Variants in HAPLN3 observed in about 807,000 individuals in gnomAD.
HAPLN3 encodes extracellular link domain containing, 1.
A neutral mutation model predicts 28.1 loss-of-function variants in HAPLN3; 28 were observed. That is an observed-to-expected ratio of 1.00 (90% CI 0.74 to 1.37). The LOEUF is 1.37. HAPLN3 is among the 40% of genes most tolerant of loss of function. The pLI, the probability that HAPLN3 is intolerant of heterozygous loss-of-function variation, is 0.00. For synonymous variants in HAPLN3, 211 were observed against 213.1 expected (o/e 0.99, Z 0.09); for missense variants, 513 against 504.6 (o/e 1.02, Z -0.16).
In HAPLN3 at chr15:88,881,732, G is replaced by A. The variant is rs925544333; in HGVS notation, c.125-7C>T. On this transcript the variant is annotated splice_region_variant and splice_polypyrimidine_tract_variant and intron_variant, in intron 2 of 4. Coordinates refer to ENST00000359595, the MANE Select transcript of HAPLN3 (RefSeq NM_178232.4). The surrounding 1 kb of genome is among the most constrained non-coding windows in gnomAD (Gnocchi z 6.0). Reference sequence around the variant, plus strand: ...TTCACTCCATTAAGGAGGTCTTGGGGGAGAGACAGGGTGCAGATGAGACCT... The same window carrying A: ...TTCACTCCATTAAGGAGGTCTTGGGAGAGAGACAGGGTGCAGATGAGACCT... 6.2e-7 allele frequency: 1 copy of A among 1,603,776 alleles called. No homozygotes were observed. Among genetic ancestry groups the A allele is most frequent in the South Asian group, 1.1e-5 (1 of 89,754 alleles).
chr15:88,880,537 G>A lies in HAPLN3; in HGVS notation c.493+820C>T. On this transcript the variant is annotated intron_variant, in intron 3 of 4. Transcript: ENST00000359595. The surrounding 1 kb of genome is among the most constrained non-coding windows in gnomAD (Gnocchi z 6.0). The stretch of plus-strand genomic sequence containing the variant: ...ATAGCTGGGACGGGCTGGGGCTAAA[G>A]TCAGGTCACCTTCCTCTATCCCCGA... 2 of 1,287,166 alleles carry A rather than the reference G, an allele frequency of 1.6e-6. No homozygotes were observed. The highest frequency in any genetic ancestry group is 2.0e-6 in the Non-Finnish European group (2 of 986,980). 79.7% of individuals were successfully genotyped at this position (1,287,166 alleles called of 1,614,324 possible).
rs2141658360 is a variant in HAPLN3 at position 88,881,083 on chromosome 15, G to T, written c.493+274C>A. 2.0e-6 allele frequency: 1 copy of T among 498,386 alleles called. No homozygotes were observed. Among genetic ancestry groups the T allele is most frequent in the South Asian group, 2.7e-5 (1 of 37,692 alleles). The allele number at this position is 498,386 out of a possible 1,614,324, so 30.9% of individuals were successfully genotyped here. ...TCTGAATGAGATGTGAATTACAGCG[G>T]GTAGAGGGGAACAGATTCTAGAGGC... On this transcript the variant is annotated intron_variant, in intron 3 of 4. Coordinates refer to ENST00000359595, the MANE Select transcript of HAPLN3 (RefSeq NM_178232.4). The surrounding 1 kb of genome is among the most constrained non-coding windows in gnomAD (Gnocchi z 6.0).
intron 2 of HAPLN3, among the ~76,000 whole-genome samples, chr15:88,882,411 G>A (rs62023523): frequency 0.042 from 6,464 of 152,258 alleles, 214 homozygotes; most frequent in Middle Eastern, 0.068. Flanking sequence ...GGGATCCGTC[G>A]GAGTTTCCTT....
In HAPLN3 at chr15:88,881,492, G is replaced by T. The variant is rs1161084868; in HGVS notation, c.358C>A (p.His120Asn). The change falls in exon 3 of 5, where the codon CAC becomes AAC. Residue 120 changes from histidine to asparagine, a missense_variant. Transcript: ENST00000359595. The surrounding 1 kb of genome is among the most constrained non-coding windows in gnomAD (Gnocchi z 6.0). The stretch of plus-strand genomic sequence containing the variant: ...TCATGCTCTTTGTCCTGCCGCAGGT[G>T]CACGCGGCCTTGGTAGTCCCCAAAG... ...RSFGDYQGRV[H>N]LRQDKEHDVS... The T allele has an allele frequency of 1.2e-6, 2 of 1,613,940 alleles. No homozygotes were observed. The highest frequency in any genetic ancestry group is 8.5e-7 in the Non-Finnish European group (1 of 1,180,062).
chr15:88,889,791 A>G (rs1479625879), intron 1 of HAPLN3, among the ~76,000 whole-genome samples: 1 of 152,232 alleles, frequency 6.6e-6, no homozygotes, highest in Non-Finnish European at 1.5e-5. Flanking sequence ...TGCAAACATA[A>G]CTATGATTAT....
Position 88,877,646 on chromosome 15 carries a change from G to T in HAPLN3, c.*324C>A. ...GCCCACCATGCCCGGACTCCCGGCG[G>T]CATTCTAGACAGGCCACCGCCCACT... On this transcript the variant is annotated 3_prime_UTR_variant, in exon 5 of 5. Coordinates refer to ENST00000359595, the MANE Select transcript of HAPLN3 (RefSeq NM_178232.4). The surrounding 1 kb of genome is among the most constrained non-coding windows in gnomAD (Gnocchi z 5.1). 1 of 254,024 alleles carries T rather than the reference G, an allele frequency of 3.9e-6. No individual in the cohort carries two copies. 15.7% of individuals were successfully genotyped at this position (254,024 alleles called of 1,614,324 possible).
chr15:88,893,510 A>G (rs1237757097), intron 1 of HAPLN3, among the ~76,000 whole-genome samples: 1 of 152,100 alleles, frequency 6.6e-6, no homozygotes, highest in African/African-American at 2.4e-5. Flanking sequence ...GAACATGGCA[A>G]AGATTTCAGG....
In HAPLN3 at chr15:88,888,778, G is replaced by C. The variant is rs1285920138; in HGVS notation, c.-47-1433C>G. On this transcript the variant is annotated intron_variant, in intron 1 of 4. Coordinates refer to ENST00000359595, the MANE Select transcript of HAPLN3 (RefSeq NM_178232.4). The surrounding 1 kb of genome is among the most constrained non-coding windows in gnomAD (Gnocchi z 4.1). ...GGTACAGAAACGGGAATGTCCAAAT[G>C]AGACTGAAGATGCAGGAGTTTGCCA... Among the ~76,000 whole-genome samples the C allele has an allele frequency of 6.6e-6, 1 of 152,222 alleles. No individual in the cohort carries two copies. The highest frequency in any genetic ancestry group is 2.4e-5 in the African/African-American group (1 of 41,460).
Position 88,878,308 on chromosome 15 carries a change from C to T in HAPLN3, c.797-52G>A, listed in dbSNP as rs780212928. 5.2e-6 allele frequency: 8 copies of T among 1,529,768 alleles called. No homozygotes were observed. In the South Asian group the frequency reaches 9.9e-5, roughly 19 times the overall value. 94.8% of individuals were successfully genotyped at this position (1,529,768 alleles called of 1,614,324 possible). On this transcript the variant is annotated intron_variant, in intron 4 of 4. Transcript: ENST00000359595. ...TACAGCGCAGGGGGCAGCCAGAGAG[C>T]ACAGCGGGGTCTGCAGAGATGCCAG... is the stretch of plus-strand genomic sequence containing the variant.
At position 88,879,189 on chromosome 15, in the gene HAPLN3, C is replaced by A. The variant is rs750328282; in HGVS notation, c.574G>T (p.Ala192Ser). ...HEGQQVCAEQ[A>S]AVVASFEQLF... ...TGCTCAAAGGAGGCCACCACCGCAG[C>A]CTGCTCTGCACAGACCTGCTGGCCC... Residue 192 changes from alanine (A) to serine (S), a missense_variant, in exon 4 of 5, where the codon GCT becomes TCT. Coordinates refer to ENST00000359595, the MANE Select transcript of HAPLN3 (RefSeq NM_178232.4). This position sits in a 1 kb window ranked among gnomAD's most constrained non-coding sequence, Gnocchi z 5.0. 2 of 1,613,800 alleles carry A rather than the reference C, an allele frequency of 1.2e-6. No individual in the cohort carries two copies. Among genetic ancestry groups the A allele is most frequent in the Admixed American group, 1.7e-5 (1 of 60,014 alleles).
At chr15:88,887,484 C>G (rs576630393) in intron 1 of HAPLN3, 139 bp from the exon 2 acceptor site, 24 of 775,124 alleles carry the variant, frequency 3.1e-5, no homozygotes, top group Non-Finnish European at 2.8e-5. Context: ...ACGCTGTTCC[C>G]GGAGCTGAGA....
Position 88,880,542 on chromosome 15 carries a change from G to T in HAPLN3, c.493+815C>A. On this transcript the variant is annotated intron_variant, in intron 3 of 4. Transcript: ENST00000359595. This position sits in a 1 kb window ranked among gnomAD's most constrained non-coding sequence, Gnocchi z 6.0. ...TGGGACGGGCTGGGGCTAAAGTCAG[G>T]TCACCTTCCTCTATCCCCGAACTGC... 7.8e-7 allele frequency: 1 copy of T among 1,287,772 alleles called. No homozygotes were observed. Among genetic ancestry groups the T allele is most frequent in the Non-Finnish European group, 1.0e-6 (1 of 987,552 alleles). 79.8% of individuals were successfully genotyped at this position (1,287,772 alleles called of 1,614,324 possible).
intron 2 of HAPLN3, among the ~76,000 whole-genome samples, chr15:88,884,488 C>T (rs1445346178): frequency 6.6e-6 from 1 of 152,120 alleles, no homozygotes; most frequent in Non-Finnish European, 1.5e-5. Context: ...GGCGTGAACC[C>T]AGGAGGCAGA....
chr15:88,885,458 G>GTT (rs761060139), intron 2 of HAPLN3, among the ~76,000 whole-genome samples: 73 of 114,918 alleles, frequency 6.4e-4, no homozygotes, highest in Middle Eastern at 4.9e-3. Flanking sequence ...TGTTTTTTGT[G>GTT]TTTTTTTTTT....
intron 2 of HAPLN3, among the ~76,000 whole-genome samples, chr15:88,883,327 A>T (rs576225322): frequency 6.6e-6 from 1 of 152,354 alleles, no homozygotes; most frequent in South Asian, 2.1e-4. Flanking sequence ...GGCAGTAGGT[A>T]CAGAGGTTTG....
rs1897887816 is a variant in HAPLN3 at position 88,887,284 on chromosome 15, G to A, written c.15C>T (p.Leu5=). The change falls in exon 2 of 5, where the codon CTC becomes CTT. Residue 5 remains leucine, a synonymous_variant. Transcript: ENST00000359595. MGLL[L]LVPLLLLPGS... is the part of the protein sequence containing the mutation. The stretch of plus-strand genomic sequence containing the variant: ...CGGGCAGCAGGAGCAACGGGACCAG[G>A]AGCAACAGGCCCATCTCCTCATGCC... The A allele has an allele frequency of 6.2e-7, 1 of 1,614,110 alleles. No homozygotes were observed. The highest frequency in any genetic ancestry group is 8.5e-7 in the Non-Finnish European group (1 of 1,179,976).
intron 2 of HAPLN3, among the ~76,000 whole-genome samples, chr15:88,884,809 A>G (rs1897801701): frequency 6.6e-6 from 1 of 151,948 alleles, no homozygotes; most frequent in South Asian, 2.1e-4. Context: ...AGATTTGCAT[A>G]TAAAAGAGGA....
rs765325622 is a variant in HAPLN3 at position 88,881,730 on chromosome 15, G to C, written c.125-5C>G. The C allele has an allele frequency of 3.1e-6, 5 of 1,605,410 alleles. No individual in the cohort carries two copies. In the Admixed American group the frequency reaches 5.0e-5, roughly 16 times the overall value. ...GCTTCACTCCATTAAGGAGGTCTTG[G>C]GGGAGAGACAGGGTGCAGATGAGAC... On this transcript the variant is annotated splice_region_variant and splice_polypyrimidine_tract_variant and intron_variant, in intron 2 of 4. Transcript: ENST00000359595. This position sits in a 1 kb window ranked among gnomAD's most constrained non-coding sequence, Gnocchi z 6.0.
At chr15:88,884,847 C>G (rs1252431333) in intron 2 of HAPLN3, among the ~76,000 whole-genome samples, 1 of 152,098 alleles carries the variant, frequency 6.6e-6, no homozygotes, top group Non-Finnish European at 1.5e-5. Context: ...GGAGGCAGAG[C>G]CTGCAGTGAG....
Sources: allele counts gnomAD v4.1 joint callset (sites outside exome capture counted in the v4.1 genomes callset), GRCh38; gene constraint gnomAD v4.1.1; non-coding constraint Gnocchi (gnomAD v3.1); transcripts MANE v1.5; gene names NCBI Gene and HGNC (gene_info 2026-07-23, HGNC 2026-07-21).